EEF1AKMT1: variants seen among roughly 807,000 people sequenced by gnomAD.
The protein encoded by EEF1AKMT1 is N-6 adenine-specific DNA methyltransferase 2 (putative).
A neutral mutation model predicts 21.0 loss-of-function variants in EEF1AKMT1; 18 were observed. The ratio of observed to expected loss-of-function variants is 0.86; its 90% CI spans 0.59 to 1.27. The LOEUF is 1.27. Among genes scored for constraint, EEF1AKMT1 ranks in the 50% most tolerant of loss-of-function variants. The pLI is 0.00. For synonymous variants in EEF1AKMT1, 109 were observed against 94.8 expected, an observed-to-expected ratio of 1.15 and a Z score of -0.87; for missense variants, 246 against 258.6, an observed-to-expected ratio of 0.95 and a Z score of 0.33.
intron 2 of EEF1AKMT1, among the ~76,000 whole-genome samples, chr13:20,739,372 C>A (rs751957443): frequency 1.1e-4 from 16 of 152,200 alleles, no homozygotes; most frequent in Non-Finnish European, 1.9e-4. Flanking sequence ...GCAGGGGCAG[C>A]CTGCTTTTAT....
chr13:20,761,920 G>T (rs2059003154), intron 1 of EEF1AKMT1, among the ~76,000 whole-genome samples: 1 of 152,146 alleles, frequency 6.6e-6, no homozygotes, highest in Admixed American at 6.6e-5. Flanking sequence ...AATACAGTGA[G>T]ACCTTGTCTC....
intron 1 of EEF1AKMT1, among the ~76,000 whole-genome samples, chr13:20,766,477 C>T (rs1203438510): frequency 6.6e-6 from 1 of 152,044 alleles, no homozygotes; most frequent in Non-Finnish European, 1.5e-5. Flanking sequence ...ATTTCTTTCT[C>T]CATTGCTAGC....
chr13:20,750,449 C>T (rs9579943), intron 2 of EEF1AKMT1, among the ~76,000 whole-genome samples: 88 of 152,272 alleles, frequency 5.8e-4, no homozygotes, highest in African/African-American at 2.1e-3. Context: ...CAATATTTGT[C>T]TTTCTGTGCC....
chr13:20,732,282 TAGTGTCTCACTTTTA>T (rs2058802061), intron 3 of EEF1AKMT1, among the ~76,000 whole-genome samples, 161 bp from the exon 4 acceptor site: 1 of 152,236 alleles, frequency 6.6e-6, no homozygotes, highest in Non-Finnish European at 1.5e-5. Context: ...AAAAACTTTA[TAGTGTCTCACTTTTA>T]AGGAATCTGG....
intron 2 of EEF1AKMT1, among the ~76,000 whole-genome samples, chr13:20,754,277 T>C (rs533867119): frequency 4.6e-5 from 7 of 151,582 alleles, no homozygotes; most frequent in Admixed American, 2.6e-4. Context: ...TTTTTCTTTT[T>C]TTTTCTTTCA....
At chr13:20,739,089 G>A (rs563848628) in intron 2 of EEF1AKMT1, among the ~76,000 whole-genome samples, 13 of 152,256 alleles carry the variant, frequency 8.5e-5, no homozygotes, top group African/African-American at 3.1e-4. Context: ...GGCTTCAGGA[G>A]TGAAGCTGCA....
At chr13:20,749,735 T>C (rs1166442270) in intron 2 of EEF1AKMT1, among the ~76,000 whole-genome samples, 1 of 152,056 alleles carries the variant, frequency 6.6e-6, no homozygotes, top group African/African-American at 2.4e-5. Flanking sequence ...AAAGGAAAAA[T>C]AATTCTAGGG....
intron 3 of EEF1AKMT1, among the ~76,000 whole-genome samples, chr13:20,736,733 C>CCT (rs71198996): frequency 1.1e-5 from 1 of 87,070 alleles, no homozygotes; most frequent in Middle Eastern, 0.011. Context: ...AACCATTTGA[C>CCT]TTTTTTTTTT....
chr13:20,767,198 C>A (rs1333206172), intron 1 of EEF1AKMT1, among the ~76,000 whole-genome samples: 1 of 146,812 alleles, frequency 6.8e-6, no homozygotes, highest in Non-Finnish European at 1.5e-5. Flanking sequence ...CCCAGCTACT[C>A]GGGAGGCTGA....
intron 4 of EEF1AKMT1, 69 bp downstream of exon 4, chr13:20,731,772 T>C: frequency 6.6e-7 from 1 of 1,505,178 alleles, no homozygotes. Context: ...CTCAGGATTT[T>C]TTCTTGACCC....
chr13:20,736,159 G>C (rs7318586), intron 3 of EEF1AKMT1, among the ~76,000 whole-genome samples: 14,190 of 152,222 alleles, frequency 0.093, 810 homozygotes, highest in Non-Finnish European at 0.13. Flanking sequence ...GAGGCACATT[G>C]AATACCGGGG....
intron 1 of EEF1AKMT1, among the ~76,000 whole-genome samples, chr13:20,766,298 C>CAAAAAAAAAAAAAAAA (rs35866979): frequency 2.5e-4 from 19 of 76,722 alleles, no homozygotes; most frequent in East Asian, 5.8e-4. Context: ...GACTCCATCT[C>CAAAAAAAAAAAAAAAA]AAAAAAAAAA....
intron 2 of EEF1AKMT1, among the ~76,000 whole-genome samples, chr13:20,741,690 C>T (rs998212877): frequency 1.1e-4 from 17 of 152,074 alleles, no homozygotes; most frequent in Admixed American, 5.9e-4. Flanking sequence ...CTCTTGACTT[C>T]GTGATCTGCC....
At chr13:20,755,695 G>A (rs1172747414) in intron 2 of EEF1AKMT1, among the ~76,000 whole-genome samples, 1 of 152,126 alleles carries the variant, frequency 6.6e-6, no homozygotes, top group Non-Finnish European at 1.5e-5. Flanking sequence ...CTTATTTGTG[G>A]AGGAGGCAAG....
rs2058977368 is a variant in EEF1AKMT1 at position 20,757,490 on chromosome 13, C to T, written c.109G>A (p.Asp37Asn). ...QKQQIEPGED[D>N]KYNIGIIEEN... ...TCTATTATTCCAATGTTATATTTAT[C>T]ATCCTCGCCTGGCTCAATTTGTTGC... The change falls in exon 2 of 5, where the codon GAT becomes AAT. Residue 37 changes from aspartate to asparagine, a missense_variant. Physicochemically the swap from Asp to Asn is conservative, Grantham distance 23 (BLOSUM62 1). Transcript: ENST00000382758. The T allele has an allele frequency of 2.5e-6, 4 of 1,614,148 alleles. No homozygotes were observed. Among genetic ancestry groups the T allele is most frequent in the Non-Finnish European group, 3.4e-6 (4 of 1,180,022 alleles).
At position 20,731,863 on chromosome 13, in the gene EEF1AKMT1, C is replaced by T. The variant is rs201771529; in HGVS notation, c.486G>A (p.Arg162=). Residue 162 remains arginine (R), a synonymous_variant, in exon 4 of 5, where the codon CGG becomes CGA. Coordinates refer to ENST00000382758, the MANE Select transcript of EEF1AKMT1 (RefSeq NM_001318939.2). ...KTSETVKYLT[R]GKILLCTGAI... is the part of the protein sequence containing the mutation. Reference sequence around the variant, plus strand: ...TACCTGTGCACAGCAGAATCTTGCCCCGCGTCAGGTACTTGACGGTTTCCG... The same window carrying T: ...TACCTGTGCACAGCAGAATCTTGCCTCGCGTCAGGTACTTGACGGTTTCCG... 2.5e-6 allele frequency: 4 copies of T among 1,613,814 alleles called. No individual in the cohort carries two copies. Among genetic ancestry groups the T allele is most frequent in the East Asian group, 2.2e-5 (1 of 44,878 alleles).
At chr13:20,765,418 T>TG (rs2141438385) in intron 1 of EEF1AKMT1, among the ~76,000 whole-genome samples, 1 of 130,850 alleles carries the variant, frequency 7.6e-6, no homozygotes, top group Admixed American at 7.8e-5. Context: ...TTTTTTTTTT[T>TG]TTTTTTTTTT....
chr13:20,732,254 T>C, intron 3 of EEF1AKMT1, 133 bp from the exon 4 acceptor site: 1 of 922,398 alleles, frequency 1.1e-6, no homozygotes, highest in Non-Finnish European at 1.6e-6. Flanking sequence ...CAAACTAGTG[T>C]AATAGTTAAT....
intron 1 of EEF1AKMT1, among the ~76,000 whole-genome samples, chr13:20,763,751 C>G (rs1165455617): frequency 6.6e-6 from 1 of 152,156 alleles, no homozygotes; most frequent in Non-Finnish European, 1.5e-5. Context: ...CCATGCCTGG[C>G]CTGAAAATTT....
Sources: gnomAD v4.1 joint callset for allele counts (sites outside exome capture counted in the v4.1 genomes callset) on GRCh38, gnomAD v4.1.1 for gene constraint, MANE v1.5 for transcripts, NCBI Gene and HGNC (gene_info 2026-07-23, HGNC 2026-07-21) for gene names.